Variants in NYAP2 observed in about 807,000 individuals in gnomAD.
NYAP2 encodes neuronal tyrosine-phosphorylated phosphoinositide-3-kinase adapter 2.
Under a neutral mutation model 50.4 loss-of-function variants are expected in NYAP2, and 23 were observed. The ratio of observed to expected loss-of-function variants is 0.46; its 90% CI spans 0.33 to 0.65. The LOEUF is 0.65. Among genes scored for constraint, NYAP2 ranks in the 30% least tolerant of loss-of-function variants. NYAP2 has a pLI of 0.02. For synonymous variants in NYAP2, 394 were observed against 365.2 expected (o/e 1.08, Z -0.90); for missense variants, 885 against 861.0 (o/e 1.03, Z -0.35).
intron 3 of NYAP2, among the ~76,000 whole-genome samples, chr2:225,462,117 G>A (rs554204457): frequency 1.3e-5 from 2 of 152,134 alleles, no homozygotes; most frequent in Admixed American, 6.6e-5. Context: ...TGTGTACTGT[G>A]TACATATACA....
chr2:225,448,683 A>G (rs892910873), intron 3 of NYAP2, among the ~76,000 whole-genome samples: 62 of 152,272 alleles, frequency 4.1e-4, no homozygotes, highest in East Asian at 3.9e-4. Context: ...GAGAGCTCAC[A>G]CTTTCAGCTG....
chr2:225,665,936 T>C, the NYAP2 span, among the ~76,000 whole-genome samples: 1 of 142,170 alleles, frequency 7.0e-6, no homozygotes, highest in South Asian at 2.6e-4. Context: ...ACTCCCTCCC[T>C]CTCAGCTATT....
chr2:225,543,551 T>A (rs563224960), intron 4 of NYAP2, among the ~76,000 whole-genome samples: 11 of 152,178 alleles, frequency 7.2e-5, no homozygotes, highest in African/African-American at 2.6e-4. Context: ...TTCCATATGT[T>A]TGTATAGTTT....
chr2:225,438,056 C>G (rs1229902690), intron 3 of NYAP2, among the ~76,000 whole-genome samples: 1 of 152,100 alleles, frequency 6.6e-6, no homozygotes, highest in Non-Finnish European at 1.5e-5. Flanking sequence ...GGCTGAAATA[C>G]AATAGCTTGG....
At chr2:225,433,862 T>C (rs1052118684) in intron 3 of NYAP2, among the ~76,000 whole-genome samples, 1 of 148,960 alleles carries the variant, frequency 6.7e-6, no homozygotes, top group Non-Finnish European at 1.5e-5. Flanking sequence ...GTCAAGCAGT[T>C]GAAGTGATAA....
chr2:225,504,750 C>T (rs1408044177), intron 3 of NYAP2, among the ~76,000 whole-genome samples: 1 of 152,052 alleles, frequency 6.6e-6, no homozygotes, highest in Admixed American at 6.5e-5. Flanking sequence ...TGGCTCATGC[C>T]TGTAACCCCA....
intron 6 of NYAP2, among the ~76,000 whole-genome samples, chr2:225,648,122 T>G (rs185697226): frequency 9.5e-4 from 144 of 152,254 alleles, no homozygotes; most frequent in Admixed American, 4.4e-3. Flanking sequence ...TGCCTCGGCC[T>G]CATGAGTAGC....
In NYAP2 at chr2:225,494,601, T is replaced by A. The variant is rs1690468470; in HGVS notation, c.222-18770T>A. On this transcript the variant is annotated intron_variant, in intron 3 of 6. Transcript: ENST00000636099. Reference sequence around the variant, plus strand: ...TCCCAGAAAATTAGGTCCTAGAGAGTGTGAGACAGGTTAGAAGGAAATTAT... The same window carrying A: ...TCCCAGAAAATTAGGTCCTAGAGAGAGTGAGACAGGTTAGAAGGAAATTAT... 3.3e-5 allele frequency among the ~76,000 whole-genome samples: 5 copies of A among 152,074 alleles called. No homozygotes were observed. In the South Asian group the frequency reaches 8.3e-4, roughly 25 times the overall value.
At chr2:225,543,541 T>G (rs1691513574) in intron 4 of NYAP2, among the ~76,000 whole-genome samples, 1 of 152,066 alleles carries the variant, frequency 6.6e-6, no homozygotes, top group African/African-American at 2.4e-5. Flanking sequence ...GTTGTTTAAT[T>G]TCCATATGTT....
chr2:225,597,844 G>T (rs1177048306), intron 5 of NYAP2, among the ~76,000 whole-genome samples: 1 of 151,842 alleles, frequency 6.6e-6, no homozygotes, highest in Admixed American at 6.6e-5. Flanking sequence ...TATAAAGGGT[G>T]ATTGTTTAAC....
intron 4 of NYAP2, among the ~76,000 whole-genome samples, chr2:225,537,545 T>A (rs189008814): frequency 6.6e-6 from 1 of 152,156 alleles, no homozygotes; most frequent in African/African-American, 2.4e-5. Flanking sequence ...ATGAGACTTA[T>A]TCACTATCAT....
intron 5 of NYAP2, among the ~76,000 whole-genome samples, chr2:225,619,539 T>C (rs1408939788): frequency 6.6e-6 from 1 of 152,152 alleles, no homozygotes. Context: ...AACCCACTAA[T>C]GTATGGGGTC....
At chr2:225,645,460 C>T (rs1693616548) in intron 6 of NYAP2, among the ~76,000 whole-genome samples, 1 of 151,874 alleles carries the variant, frequency 6.6e-6, no homozygotes, top group African/African-American at 2.4e-5. Context: ...TCTTCCTTTT[C>T]CTTCCTCTCT....
At chr2:225,625,732 A>T (rs1481999716) in intron 5 of NYAP2, among the ~76,000 whole-genome samples, 1 of 152,156 alleles carries the variant, frequency 6.6e-6, no homozygotes, top group African/African-American at 2.4e-5. Flanking sequence ...AAGAAGGTGG[A>T]GATTCTTGCC....
At chr2:225,553,957 T>C (rs1691726991) in intron 4 of NYAP2, among the ~76,000 whole-genome samples, 1 of 152,058 alleles carries the variant, frequency 6.6e-6, no homozygotes, top group Non-Finnish European at 1.5e-5. Context: ...GAAGCAGAGG[T>C]TGTAGTGAGC....
intron 3 of NYAP2, among the ~76,000 whole-genome samples, chr2:225,474,190 C>T (rs1690062373): frequency 6.6e-6 from 1 of 152,096 alleles, no homozygotes; most frequent in South Asian, 2.1e-4. Context: ...GGTACCAGTA[C>T]CATGCTGTTT....
chr2:225,651,483 C>G, exon 7 of NYAP2: 1 of 1,614,000 alleles, frequency 6.2e-7, no homozygotes, highest in Non-Finnish European at 8.5e-7. Flanking sequence ...TCAGGTGTGC[C>G]TCCTCCATCA....
At chr2:225,665,403 T>C in the NYAP2 span, among the ~76,000 whole-genome samples, 3 of 152,132 alleles carry the variant, frequency 2.0e-5, no homozygotes, top group African/African-American at 7.2e-5. Flanking sequence ...TGTTCACTAC[T>C]ACAGTTTATT....
the NYAP2 span, among the ~76,000 whole-genome samples, chr2:225,682,650 T>G: frequency 6.6e-6 from 1 of 152,176 alleles, no homozygotes; most frequent in Non-Finnish European, 1.5e-5. Flanking sequence ...TTCTTCAGGC[T>G]CTTAGAAACT....
Sources: allele counts gnomAD v4.1 joint callset (sites outside exome capture counted in the v4.1 genomes callset), GRCh38; gene constraint gnomAD v4.1.1; transcripts MANE v1.5; gene names NCBI Gene and HGNC (gene_info 2026-07-23, HGNC 2026-07-21).